FASN: variants seen among roughly 807,000 people sequenced by gnomAD.
FASN encodes 3-hydroxyacyl-[acyl-carrier-protein] dehydratase.
FASN carries 50 observed loss-of-function variants against 250.0 expected under a neutral mutation model. The observed-to-expected ratio is 0.20, with a 90% CI of 0.16 to 0.25. The LOEUF is 0.25. Ranked by LOEUF, FASN falls within the 10% of genes least tolerant of loss-of-function variation. FASN has a pLI of 1.00. For synonymous variants in FASN, 1,909 were observed against 1,584.0 expected, an observed-to-expected ratio of 1.21 and a Z score of -4.87; for missense variants, 3,031 against 3,498.5, an observed-to-expected ratio of 0.87 and a Z score of 3.37.
Position 82,083,997 on chromosome 17 carries a change from G to A in FASN, c.5076C>T (p.Gly1692=), listed in dbSNP as rs2144786793. 6.5e-7 allele frequency: 1 copy of A among 1,539,280 alleles called. No homozygotes were observed. Among genetic ancestry groups the A allele is most frequent in the Non-Finnish European group, 8.7e-7 (1 of 1,145,474 alleles). The change falls in exon 29 of 43, where the codon GGC becomes GGT. Residue 1692 remains glycine, a synonymous_variant. Transcript: ENST00000306749. ...QAAIAIALSL[G]CRVFTTVGSA... ...TACCCACGGTGGTGAAGACGCGGCA[G>A]CCCAGACTGAGGGCGATGGCGATGG...
At chr17:82,083,928 C>A (rs553236322) in intron 29 of FASN, 37 bp from the exon 30 acceptor site, 2 of 1,550,270 alleles carry the variant, frequency 1.3e-6, no homozygotes, top group East Asian at 2.4e-5. Flanking sequence ...TGAGCCAGGG[C>A]GGCGGGGCCA....
chr17:82,087,827 C>A lies in FASN; in HGVS notation c.2901G>T (p.Arg967Ser), dbSNP rs754103370. 1.2e-6 allele frequency: 2 copies of A among 1,612,618 alleles called. No homozygotes were observed. Among genetic ancestry groups the A allele is most frequent in the Non-Finnish European group, 1.7e-6 (2 of 1,179,906 alleles). The change falls in exon 19 of 43, where the codon AGG becomes AGT. Residue 967 changes from arginine to serine, a missense_variant. Physicochemically the swap from Arg to Ser is moderately radical, Grantham distance 110. Coordinates refer to ENST00000306749, the MANE Select transcript of FASN (RefSeq NM_004104.5). ...TGGGGCTTTCCGGGTGGTCGAAGAG[C>A]CTGGGGTCAGGGTCATCCCACTGGT... The part of the protein sequence containing the change: ...KVYQWDDPDP[R>S]LFDHPESPTP...
In FASN at chr17:82,088,374, C is replaced by T; in HGVS notation, c.2593+16G>A. ...GGGGAGGGAAGAGTCTGCCCACCCG[C>T]CGGGCCCCTGCTCACCGATGTTGTA... On this transcript the variant is annotated intron_variant, in intron 16 of 42. Transcript: ENST00000306749. The T allele has an allele frequency of 2.5e-6, 4 of 1,611,870 alleles. No individual in the cohort carries two copies. Among genetic ancestry groups the T allele is most frequent in the Non-Finnish European group, 3.4e-6 (4 of 1,179,760 alleles).
intron 3 of FASN, 112 bp from the exon 4 acceptor site, chr17:82,093,883 GA>G (rs2034259802): frequency 8.4e-7 from 1 of 1,191,604 alleles, no homozygotes; most frequent in African/African-American, 1.5e-5. Flanking sequence ...GGCTTGGGGT[GA>G]GGGGGGGTCC....
chr17:82,093,388 G>A lies in FASN; in HGVS notation c.486C>T (p.Ser162=). The change falls in exon 5 of 43, where the codon TCC becomes TCT. Residue 162 remains serine, a synonymous_variant. Transcript: ENST00000306749. Reference sequence around the variant, plus strand: ...CGTTCTGCAGGGCCATCAGGCTGGAGGAGCAGGCTGTGTCCAGTGCGATGC... The same window carrying A: ...CGTTCTGCAGGGCCATCAGGCTGGAAGAGCAGGCTGTGTCCAGTGCGATGC... ...GPSIALDTAC[S]SSLMALQNAY... 2 of 1,604,302 alleles carry A rather than the reference G, an allele frequency of 1.2e-6. No homozygotes were observed. The highest frequency in any genetic ancestry group is 1.7e-6 in the Non-Finnish European group (2 of 1,177,538).
Position 82,088,193 on chromosome 17 carries a change from A to C in FASN, c.2708T>G (p.Leu903Arg). Residue 903 changes from leucine (L) to arginine (R), a missense_variant, in exon 17 of 43, where the codon CTG becomes CGG. Coordinates refer to ENST00000306749, the MANE Select transcript of FASN (RefSeq NM_004104.5). The stretch of plus-strand genomic sequence containing the variant: ...AGGCAGCTGCTCGACGCCCAGGCCC[A>C]GGGCGCGGGCCAGCGTCTTCCACAC... Reference protein sequence around the residue: ...SIVWKTLARALGLGVEQLPVV... With the variant: ...SIVWKTLARARGLGVEQLPVV... The C allele has an allele frequency of 6.2e-7, 1 of 1,612,390 alleles. No individual in the cohort carries two copies. The highest frequency in any genetic ancestry group is 1.1e-5 in the South Asian group (1 of 91,078).
chr17:82,081,094 G>A, intron 38 of FASN, 70 bp downstream of exon 38: 1 of 1,512,594 alleles, frequency 6.6e-7, no homozygotes, highest in Non-Finnish European at 8.9e-7. Flanking sequence ...CCGGGACACG[G>A]TCCAGACAAC....
rs1484474101 is a variant in FASN at position 82,086,454 on chromosome 17, G to A, written c.3532C>T (p.Leu1178=). The A allele has an allele frequency of 1.2e-6, 2 of 1,612,402 alleles. No individual in the cohort carries two copies. Among genetic ancestry groups the A allele is most frequent in the Non-Finnish European group, 1.7e-6 (2 of 1,179,958 alleles). The change falls in exon 22 of 43, where the codon CTG becomes TTG. Residue 1178 remains leucine, a synonymous_variant. Coordinates refer to ENST00000306749, the MANE Select transcript of FASN (RefSeq NM_004104.5). ...QIPRDPSQQE[L]PRLLSAACRL... ...CAGGCAGCCGACAACAGCCGGGGCAGTTCCTGCTGTGAGGGGTCCCGGGGG... is the reference window on the plus strand; with the variant it reads ...CAGGCAGCCGACAACAGCCGGGGCAATTCCTGCTGTGAGGGGTCCCGGGGG...
chr17:82,094,165 G>A, intron 3 of FASN: 1 of 353,094 alleles, frequency 2.8e-6, no homozygotes, highest in South Asian at 2.3e-5. Flanking sequence ...TCGGCCAGTG[G>A]CCTCTCCAGC....
In FASN at chr17:82,084,274, G is replaced by A. The variant is rs919289253; in HGVS notation, c.4879C>T (p.Leu1627=). ...VPAKGLATSV[L]LSPDFLWDVP... is the part of the protein sequence containing the mutation. ...TCCCAGAGGAAGTCCGGTGACAGCA[G>A]GACAGAGGTGGCCAGGCCCTTGGCA... is the stretch of plus-strand genomic sequence containing the variant. Residue 1627 remains leucine (L), a synonymous_variant, in exon 28 of 43, where the codon CTG becomes TTG. Transcript: ENST00000306749. 4.3e-6 allele frequency: 7 copies of A among 1,611,934 alleles called. No homozygotes were observed. In the Admixed American group the frequency reaches 1.0e-4, roughly 23 times the overall value.
chr17:82,093,945 A>G (rs910666949), intron 3 of FASN, among the ~76,000 whole-genome samples, 174 bp from the exon 4 acceptor site: 1 of 151,714 alleles, frequency 6.6e-6, no homozygotes, highest in Non-Finnish European at 1.5e-5. Flanking sequence ...TGTCCTGCAG[A>G]GGGGCCAGAA....
rs762443165 is a variant in FASN, at chr17:82,089,090, C to T, written c.2183G>A (p.Arg728His). The change falls in exon 14 of 43, where the codon CGC (arginine) becomes CAC (histidine). Residue 728 changes from arginine (R) to histidine (H), a missense_variant. Physicochemically the swap from Arg to His is conservative, Grantham distance 29. Transcript: ENST00000306749. ...PEAQWHSSLA[R>H]TSSAEYNVNN... ...GACATTGTACTCGGCGGAGGACGTG[C>T]GTGCCAGGCTGCTGTGCCACTGGGC... The T allele has an allele frequency of 2.2e-5, 35 of 1,575,350 alleles. No individual in the cohort carries two copies. The highest frequency in any genetic ancestry group is 1.9e-4 in the African/African-American group (14 of 73,680).
At position 82,087,773 on chromosome 17, in the gene FASN, C is replaced by T. The variant is rs1233689720; in HGVS notation, c.2955G>A (p.Leu985=). The change falls in exon 19 of 43, where the codon CTG becomes CTA. Residue 985 remains leucine, a synonymous_variant. Coordinates refer to ENST00000306749, the MANE Select transcript of FASN (RefSeq NM_004104.5). The part of the protein sequence containing the change: ...PTPNPTEPLF[L]AQAEVYKELR... Reference sequence around the variant, plus strand: ...GCTCCTTGTAAACTTCAGCCTGGGCCAGGAAGAGGGGCTCCGTGGGGTTGG... The same window carrying T: ...GCTCCTTGTAAACTTCAGCCTGGGCTAGGAAGAGGGGCTCCGTGGGGTTGG... The T allele has an allele frequency of 1.9e-6, 3 of 1,612,592 alleles. No homozygotes were observed. The highest frequency in any genetic ancestry group is 3.3e-5 in the Admixed American group (2 of 59,996).
chr17:82,088,689 C>A, intron 15 of FASN, 72 bp downstream of exon 15: 1 of 1,516,440 alleles, frequency 6.6e-7, no homozygotes, highest in Non-Finnish European at 9.1e-7. Flanking sequence ...GTGAGGGGCC[C>A]GCAGCCCCGC....
Position 82,082,347 on chromosome 17 carries a change from T to C in FASN, c.5987A>G (p.Tyr1996Cys), listed in dbSNP as rs1311771046. ...CCTGTCCAGGTTCAGGGTGCCGCTG[T>C]ACTTGGGCTTGCAGACGTCCTGGAA... ...EFFQDVCKPK[Y>C]SGTLNLDRVT... Residue 1996 changes from tyrosine to cysteine, a missense_variant, in exon 35 of 43, where the codon TAC (tyrosine) becomes TGC (cysteine). Tyr to Cys is a radical substitution (Grantham distance 194, BLOSUM62 -2). Coordinates refer to ENST00000306749, the MANE Select transcript of FASN (RefSeq NM_004104.5). 6.2e-7 allele frequency: 1 copy of C among 1,612,834 alleles called. No homozygotes were observed. The highest frequency in any genetic ancestry group is 8.5e-7 in the Non-Finnish European group (1 of 1,179,990).
chr17:82,087,536 C>T lies in FASN; in HGVS notation c.3044-32G>A, dbSNP rs1221817495. On this transcript the variant is annotated intron_variant, in intron 19 of 42. Transcript: ENST00000306749. ...ACAGGGCCTGGTTGGTGCTGTGGAA[C>T]TCCCAGGTCCCTGGGGCCACCTCCC... The T allele has an allele frequency of 3.1e-6, 5 of 1,610,120 alleles. No individual in the cohort carries two copies. In the East Asian group the frequency reaches 1.1e-4, roughly 36 times the overall value.
At chr17:82,084,462 G>A in intron 27 of FASN, 51 bp downstream of exon 27, 1 of 1,586,456 alleles carries the variant, frequency 6.3e-7, no homozygotes, top group Non-Finnish European at 8.6e-7. Flanking sequence ...TAGCTGCTGG[G>A]GTCTCTGCTC....
chr17:82,090,734 C>T (rs1415503353), intron 10 of FASN, 148 bp downstream of exon 10: 5 of 1,098,460 alleles, frequency 4.6e-6, no homozygotes, highest in Non-Finnish European at 6.7e-6. Flanking sequence ...GAGACCCCTC[C>T]TCCCCTCCCG....
chr17:82,081,301 C>G lies in FASN; in HGVS notation c.6458G>C (p.Gly2153Ala). 1 of 1,557,828 alleles carries G rather than the reference C, an allele frequency of 6.4e-7. No individual in the cohort carries two copies. The highest frequency in any genetic ancestry group is 8.7e-7 in the Non-Finnish European group (1 of 1,150,930). ...CTCCACGCTCATGAGCGAGTCCAGG[C>G]CCAGGTCCGCCAGTGAGCTGTCCAG... ...VNLDSSLADLGLDSLMSVEVR... is the reference protein window; with the variant it reads ...VNLDSSLADLALDSLMSVEVR... The change falls in exon 38 of 43, where the codon GGC (glycine) becomes GCC (alanine). Residue 2153 changes from glycine to alanine, a missense_variant. Gly to Ala is a moderately conservative substitution (Grantham distance 60). Coordinates refer to ENST00000306749, the MANE Select transcript of FASN (RefSeq NM_004104.5).
Sources: allele counts gnomAD v4.1 joint callset (sites outside exome capture counted in the v4.1 genomes callset), GRCh38; gene constraint gnomAD v4.1.1; transcripts MANE v1.5; gene names NCBI Gene and HGNC (gene_info 2026-07-23, HGNC 2026-07-21).